The following DYNC1LI2 variants were observed in gnomAD, a reference collection of about 807,000 sequenced individuals.
DYNC1LI2 encodes cytoplasmic dynein 1 light intermediate chain 2.
In DYNC1LI2, 19 loss-of-function variants were observed where a neutral mutation model predicts 57.8. That is an observed-to-expected ratio of 0.33 (90% CI 0.23 to 0.48). The LOEUF is 0.48. Ranked by LOEUF, DYNC1LI2 falls within the 20% of genes least tolerant of loss-of-function variation. The pLI is 0.99. For synonymous variants in DYNC1LI2, 256 were observed against 233.4 expected, an observed-to-expected ratio of 1.10 and a Z score of -0.88; for missense variants, 470 against 604.2, an observed-to-expected ratio of 0.78 and a Z score of 2.33.
At chr16:66,733,165 A>G (rs1024271765) in intron 6 of DYNC1LI2, 1 of 152,252 alleles carries the variant, frequency 6.6e-6, no homozygotes, top group Non-Finnish European at 1.5e-5. Context: ...TTCTACATAA[A>G]AGCAAAGTTT....
At chr16:66,734,372 C>G (rs2017693416) in intron 5 of DYNC1LI2, 61 bp from the exon 6 acceptor site, 2 of 1,494,792 alleles carry the variant, frequency 1.3e-6, no homozygotes, top group South Asian at 2.3e-5. Context: ...ATGGGAACAC[C>G]TCATTCTTCA....
chr16:66,734,699 T>C (rs1425144007), intron 5 of DYNC1LI2, among the ~76,000 whole-genome samples: 1 of 151,840 alleles, frequency 6.6e-6, no homozygotes, highest in Non-Finnish European at 1.5e-5. Flanking sequence ...TAAAGTACTT[T>C]TAAAACCCAA....
At chr16:66,734,716 G>A (rs990360224) in intron 5 of DYNC1LI2, among the ~76,000 whole-genome samples, 1 of 151,952 alleles carries the variant, frequency 6.6e-6, no homozygotes, top group African/African-American at 2.4e-5. Context: ...CCAAAATGTG[G>A]CCAGGCGTGG....
intron 9 of DYNC1LI2, 87 bp from the exon 10 acceptor site, chr16:66,728,329 C>T: frequency 6.9e-7 from 1 of 1,454,356 alleles, no homozygotes; most frequent in Non-Finnish European, 9.6e-7. Flanking sequence ...AAGTACTCCA[C>T]TAGAGGGCAC....
In DYNC1LI2 at chr16:66,723,793, C is replaced by T; in HGVS notation, c.1408G>A (p.Glu470Lys). Reference sequence around the variant, plus strand: ...TTTCGAGTCATTCTATCCAGTTCTTCCTGAACATTTGACAACACAGTCTTT... The same window carrying T: ...TTTCGAGTCATTCTATCCAGTTCTTTCTGAACATTTGACAACACAGTCTTT... Reference protein sequence around the residue: ...GQKTVLSNVQEELDRMTRKPD... With the variant: ...GQKTVLSNVQKELDRMTRKPD... Residue 470 changes from glutamate (E) to lysine (K), a missense_variant, in exon 13 of 13, where the codon GAA becomes AAA. Transcript: ENST00000258198. 1 of 1,605,680 alleles carries T rather than the reference C, an allele frequency of 6.2e-7. No homozygotes were observed. The highest frequency in any genetic ancestry group is 8.5e-7 in the Non-Finnish European group (1 of 1,178,258).
chr16:66,728,965 AC>A (rs2017584900), intron 9 of DYNC1LI2, 74 bp downstream of exon 9: 4 of 1,516,020 alleles, frequency 2.6e-6, no homozygotes, highest in South Asian at 1.1e-5. Flanking sequence ...ACATGCAGAC[AC>A]CCCCAACCCC....
At chr16:66,734,102 A>T in intron 6 of DYNC1LI2, 116 bp downstream of exon 6, 1 of 896,342 alleles carries the variant, frequency 1.1e-6, no homozygotes, top group Non-Finnish European at 1.7e-6. Flanking sequence ...AAAGATATAT[A>T]CAAATTCTCT....
At chr16:66,748,255 G>C (rs2017973519) in intron 3 of DYNC1LI2, among the ~76,000 whole-genome samples, 1 of 131,942 alleles carries the variant, frequency 7.6e-6, no homozygotes, top group Middle Eastern at 4.7e-3. Context: ...CCCAGCCTGG[G>C]TGACAGAGTA....
intron 4 of DYNC1LI2, among the ~76,000 whole-genome samples, chr16:66,737,510 ATGCTTAATG>A (rs1567453404): frequency 2.2e-5 from 3 of 136,128 alleles, no homozygotes; most frequent in African/African-American, 2.6e-5. Context: ...AAAAAAAAAA[ATGCTTAATG>A]AAACAATTGA....
rs2018042299 is a variant in DYNC1LI2 at position 66,751,194 on chromosome 16, GA to G, written c.181+78del. The stretch of plus-strand genomic sequence containing the variant: ...GCTGCGGGCAGGCGGCTGGAACGGG[GA>G]AGGCGGGGACCTGAGGGAGGGGCGC... On this transcript the variant is annotated intron_variant, in intron 2 of 12. Transcript: ENST00000258198. This position sits in a 1 kb window ranked among gnomAD's most constrained non-coding sequence, Gnocchi z 5.2. The G allele has an allele frequency of 6.8e-7, 1 of 1,480,822 alleles. No individual in the cohort carries two copies. The highest frequency in any genetic ancestry group is 1.4e-5 in the African/African-American group (1 of 70,584). 91.7% of individuals were successfully genotyped at this position (1,480,822 alleles called of 1,614,324 possible).
At chr16:66,734,083 AC>A (rs934829110) in intron 6 of DYNC1LI2, 134 bp downstream of exon 6, 2 of 701,532 alleles carry the variant, frequency 2.9e-6, no homozygotes, top group African/African-American at 3.6e-5. Flanking sequence ...TAAAACATAA[AC>A]CTAGTAAAAA....
Position 66,727,693 on chromosome 16 carries a change from A to C in DYNC1LI2, c.1256T>G (p.Ile419Ser), listed in dbSNP as rs773651007. 6.2e-7 allele frequency: 1 copy of C among 1,613,948 alleles called. No homozygotes were observed. The highest frequency in any genetic ancestry group is 8.5e-7 in the Non-Finnish European group (1 of 1,179,938). Residue 419 changes from isoleucine to serine, a missense_variant, in exon 11 of 13, where the codon ATC becomes AGC. Physicochemically the swap from Ile to Ser is moderately radical, Grantham distance 142. Coordinates refer to ENST00000258198, the MANE Select transcript of DYNC1LI2 (RefSeq NM_006141.3). The part of the protein sequence containing the change: ...GTSVKKPDPN[I>S]KNNAASEGVL... ...TACTTTTGAGGAATACATACTTTTG[A>C]TGTTTGGGTCCGGCTTTTTTACTGA...
intron 9 of DYNC1LI2, 88 bp from the exon 10 acceptor site, chr16:66,728,330 T>A: frequency 1.4e-6 from 2 of 1,450,354 alleles, no homozygotes; most frequent in Non-Finnish European, 1.9e-6. Context: ...AGTACTCCAC[T>A]AGAGGGCACT....
At chr16:66,750,806 G>A (rs918266827) in intron 2 of DYNC1LI2, among the ~76,000 whole-genome samples, 4 of 152,122 alleles carry the variant, frequency 2.6e-5, no homozygotes, top group Non-Finnish European at 5.9e-5. Flanking sequence ...CTAGCATAAT[G>A]GAGGAAACGT....
At chr16:66,740,882 GAAAT>G (rs2017824285) in intron 4 of DYNC1LI2, among the ~76,000 whole-genome samples, 2 of 152,210 alleles carry the variant, frequency 1.3e-5, no homozygotes, top group East Asian at 3.8e-4. Context: ...TTACAGGAGA[GAAAT>G]AACCCTCAGT....
chr16:66,729,178 G>C, intron 8 of DYNC1LI2, 79 bp from the exon 9 acceptor site: 1 of 1,511,252 alleles, frequency 6.6e-7, no homozygotes, highest in East Asian at 2.2e-5. Context: ...CGAAAGGAGA[G>C]TCCGAGGCTC....
At chr16:66,727,966 G>T in intron 10 of DYNC1LI2, 161 bp from the exon 11 acceptor site, 1 of 834,080 alleles carries the variant, frequency 1.2e-6, no homozygotes, top group Non-Finnish European at 1.8e-6. Context: ...TCTTTCTCCT[G>T]AGAGAAAGAC....
chr16:66,729,002 T>G, intron 9 of DYNC1LI2, 38 bp downstream of exon 9: 572 of 1,605,158 alleles, frequency 3.6e-4, no homozygotes, highest in Middle Eastern at 6.6e-4. Context: ...ATTTCATGCA[T>G]GAGAAGGCCT....
chr16:66,727,684 A>G lies in DYNC1LI2; in HGVS notation c.1261+4T>C. On this transcript the variant is annotated splice_donor_region_variant and intron_variant, in intron 11 of 12. Coordinates refer to ENST00000258198, the MANE Select transcript of DYNC1LI2 (RefSeq NM_006141.3). ...AAAGAGACATACTTTTGAGGAATAC[A>G]TACTTTTGATGTTTGGGTCCGGCTT... 1 of 1,613,876 alleles carries G rather than the reference A, an allele frequency of 6.2e-7. No homozygotes were observed. Among genetic ancestry groups the G allele is most frequent in the Non-Finnish European group, 8.5e-7 (1 of 1,179,874 alleles).
Sources: allele counts gnomAD v4.1 joint callset (sites outside exome capture counted in the v4.1 genomes callset), GRCh38; gene constraint gnomAD v4.1.1; non-coding constraint Gnocchi (gnomAD v3.1); transcripts MANE v1.5; gene names NCBI Gene and HGNC (gene_info 2026-07-23, HGNC 2026-07-21).